Variants in MOBP observed in about 807,000 individuals in gnomAD.
MOBP encodes myelin-associated oligodendrocyte basic protein.
MOBP carries 5 observed loss-of-function variants against 15.0 expected under a neutral mutation model. The observed-to-expected ratio is 0.33, with a 90% CI of 0.17 to 0.70. The LOEUF (loss-of-function observed/expected upper bound fraction) is 0.70. Among genes scored for constraint, MOBP ranks in the 30% least tolerant of loss-of-function variants. The pLI is 0.67. For missense variants in MOBP, 188 were observed against 257.8 expected, an observed-to-expected ratio of 0.73 and a Z score of 1.85; for synonymous variants, 88 against 99.0, an observed-to-expected ratio of 0.89 and a Z score of 0.66.
intron 2 of MOBP, among the ~76,000 whole-genome samples, chr3:39,492,081 G>A (rs977791660): frequency 7.2e-5 from 11 of 152,154 alleles, no homozygotes; most frequent in African/African-American, 2.7e-4. Context: ...AACGCTCTTG[G>A]TTCCCTACTC....
At chr3:39,473,505 T>C (rs898928555) in intron 1 of MOBP, among the ~76,000 whole-genome samples, 1 of 152,170 alleles carries the variant, frequency 6.6e-6, no homozygotes, top group Non-Finnish European at 1.5e-5. Context: ...AATAATTTCA[T>C]GGGGCTCTGA....
intron 2 of MOBP, chr3:39,500,166 A>G (rs2042949417): frequency 2.3e-6 from 1 of 440,492 alleles, no homozygotes; most frequent in African/African-American, 2.0e-5. Context: ...TTTTCTGGCC[A>G]TTAGCACATT....
Position 39,502,623 on chromosome 3 carries a change from T to C in MOBP, c.295T>C (p.Ser99Pro). 6.4e-7 allele frequency: 1 copy of C among 1,554,138 alleles called. No homozygotes were observed. Among genetic ancestry groups the C allele is most frequent in the Non-Finnish European group, 8.6e-7 (1 of 1,158,514 alleles). Reference protein sequence around the residue: ...AVVRAPAKPRSPPRSERQPRS... With the variant: ...AVVRAPAKPRPPPRSERQPRS... ...GGTCAGAGCGCCAGCCAAGCCACGG[T>C]CCCCTCCGAGGTCTGAGCGTCAGCC... The change falls in exon 4 of 4, where the codon TCC (serine) becomes CCC (proline). Residue 99 changes from serine to proline, a missense_variant. This residue lies in a region of MOBP where 133 missense variants were observed against 212.5 expected (regional missense o/e 0.63). Transcript: ENST00000684792. The surrounding 1 kb of genome is among the most constrained non-coding windows in gnomAD (Gnocchi z 6.3).
downstream of MOBP, among the ~76,000 whole-genome samples, chr3:39,503,678 A>ATTTATTTATTTG: frequency 6.8e-6 from 1 of 146,078 alleles, no homozygotes; most frequent in South Asian, 2.1e-4. Flanking sequence ...TTATTTATTT[A>ATTTATTTATTTG]TTTTACTGTT....
downstream of MOBP, chr3:39,517,858 T>C (rs964201905): frequency 6.6e-6 from 1 of 152,234 alleles, no homozygotes; most frequent in African/African-American, 2.4e-5. Context: ...AACAAATTTA[T>C]GTAAAAGTAT....
At chr3:39,505,296 T>C (rs1432740073), downstream of MOBP, among the ~76,000 whole-genome samples, 2 of 152,218 alleles carry the variant, frequency 1.3e-5, no homozygotes, top group African/African-American at 4.8e-5. Context: ...GTGCTGTGTG[T>C]GCCTTTGACT....
At chr3:39,491,459 G>A (rs2042793698) in intron 2 of MOBP, among the ~76,000 whole-genome samples, 1 of 152,198 alleles carries the variant, frequency 6.6e-6, no homozygotes, top group South Asian at 2.1e-4. Flanking sequence ...CTCTCCATCA[G>A]TAGTACTATT....
At chr3:39,484,314 C>T (rs1295968567) in intron 2 of MOBP, among the ~76,000 whole-genome samples, 1 of 152,174 alleles carries the variant, frequency 6.6e-6, no homozygotes, top group East Asian at 1.9e-4. Flanking sequence ...AGGTGAAGGA[C>T]AGAGACCAAA....
chr3:39,468,428 T>C (rs1223755468), intron 1 of MOBP, among the ~76,000 whole-genome samples: 5 of 152,148 alleles, frequency 3.3e-5, no homozygotes, highest in African/African-American at 1.2e-4. Flanking sequence ...TTTTTAATTC[T>C]TTGTGAATAA....
At position 39,502,883 on chromosome 3, in the gene MOBP, C is replaced by A; in HGVS notation, c.*3C>A. 1 of 1,180,562 alleles carries A rather than the reference C, an allele frequency of 8.5e-7. No homozygotes were observed. Among genetic ancestry groups the A allele is most frequent in the Non-Finnish European group, 1.2e-6 (1 of 853,754 alleles). 73.1% of individuals were successfully genotyped at this position (1,180,562 alleles called of 1,614,324 possible). ...TCAAAGCTTCTAGGTTCTGGTAACACCATCTCTTCCCTTTTGTTCCCCAGC... is the reference window on the plus strand; with the variant it reads ...TCAAAGCTTCTAGGTTCTGGTAACAACATCTCTTCCCTTTTGTTCCCCAGC... On this transcript the variant is annotated 3_prime_UTR_variant, in exon 4 of 4. Transcript: ENST00000684792. This position sits in a 1 kb window ranked among gnomAD's most constrained non-coding sequence, Gnocchi z 6.3.
chr3:39,494,515 T>C (rs1048659009), intron 2 of MOBP, among the ~76,000 whole-genome samples: 3 of 152,164 alleles, frequency 2.0e-5, no homozygotes, highest in African/African-American at 4.8e-5. Context: ...TTATCTTTGC[T>C]TGCAATTAGG....
chr3:39,519,058 ACC>A (rs2043235835), downstream of MOBP, among the ~76,000 whole-genome samples: 1 of 152,076 alleles, frequency 6.6e-6, no homozygotes, highest in Non-Finnish European at 1.5e-5. Context: ...TGGGTTTGCT[ACC>A]TGTAATTTTT....
chr3:39,512,413 G>T (rs1295264514), intron 4 of MOBP, among the ~76,000 whole-genome samples: 1 of 152,152 alleles, frequency 6.6e-6, no homozygotes, highest in Non-Finnish European at 1.5e-5. Flanking sequence ...AGTGTAAAGA[G>T]ATTCCTTCCT....
chr3:39,526,728 A>T (rs953002967), downstream of MOBP: 2 of 151,246 alleles, frequency 1.3e-5, no homozygotes, highest in Non-Finnish European at 1.5e-5. Context: ...AGAGATTGCT[A>T]ATTTCCATGG....
downstream of MOBP, chr3:39,528,729 A>T (rs2043360076): frequency 6.6e-6 from 1 of 152,262 alleles, no homozygotes; most frequent in Non-Finnish European, 1.5e-5. Flanking sequence ...ATTTGCTAGA[A>T]AATAATGCAA....
intron 2 of MOBP, among the ~76,000 whole-genome samples, chr3:39,488,339 T>C (rs922998889): frequency 6.6e-6 from 1 of 152,216 alleles, no homozygotes; most frequent in Non-Finnish European, 1.5e-5. Context: ...ATGTCTAAGA[T>C]TGAACTCTTG....
downstream of MOBP, among the ~76,000 whole-genome samples, chr3:39,507,293 C>T (rs1363344282): frequency 6.6e-6 from 1 of 152,210 alleles, no homozygotes; most frequent in East Asian, 1.9e-4. Context: ...AGCTGTCCAA[C>T]TAATCCCCCA....
downstream of MOBP, chr3:39,526,015 C>T (rs921312985): frequency 2.0e-5 from 3 of 151,564 alleles, no homozygotes; most frequent in African/African-American, 4.8e-5. Flanking sequence ...CATTACATTC[C>T]TGGGAATAAC....
chr3:39,488,769 T>G (rs1265327948), intron 2 of MOBP, among the ~76,000 whole-genome samples: 2 of 152,178 alleles, frequency 1.3e-5, no homozygotes, highest in Non-Finnish European at 2.9e-5. Context: ...AAATCGCACA[T>G]CCAGTTTGTC....
Sources: gnomAD v4.1 joint callset for allele counts (sites outside exome capture counted in the v4.1 genomes callset) on GRCh38, gnomAD v4.1.1 for gene constraint, gnomAD v4.1.1 regional missense constraint, Gnocchi (gnomAD v3.1) non-coding constraint, MANE v1.5 for transcripts, NCBI Gene and HGNC (gene_info 2026-07-23, HGNC 2026-07-21) for gene names.